The following GPBP1L1 variants were observed in gnomAD, a reference collection of about 807,000 sequenced individuals.
GPBP1L1 encodes vasculin-like protein 1.
GPBP1L1 carries 23 observed loss-of-function variants against 52.5 expected under a neutral mutation model. That is an observed-to-expected ratio of 0.44 (90% CI 0.32 to 0.62). GPBP1L1 has a LOEUF of 0.62. GPBP1L1 is among the 20% of genes least tolerant of loss of function. The pLI is 0.06. For missense variants in GPBP1L1, 596 were observed against 579.3 expected (o/e 1.03, Z -0.30); for synonymous variants, 243 against 203.1 (o/e 1.20, Z -1.67).
rs1486287492 is a variant in GPBP1L1 at position 45,640,421 on chromosome 1, GGA to G, written c.551-20_551-19del. 6.2e-7 allele frequency: 1 copy of G among 1,600,038 alleles called. No individual in the cohort carries two copies. The highest frequency in any genetic ancestry group is 1.7e-5 in the Admixed American group (1 of 59,954). ...CGGGTTTTCTGTGAAGTACAAGAGTGGAGAGACAACAGAATGTCAAACCTGTT... is the reference window on the plus strand; with the variant it reads ...CGGGTTTTCTGTGAAGTACAAGAGTGGAGACAACAGAATGTCAAACCTGTT... On this transcript the variant is annotated intron_variant, in intron 7 of 12. Coordinates refer to ENST00000355105, the MANE Select transcript of GPBP1L1 (RefSeq NM_021639.5).
At chr1:45,683,693 T>C (rs903035121) in intron 2 of GPBP1L1, among the ~76,000 whole-genome samples, 3 of 145,826 alleles carry the variant, frequency 2.1e-5, no homozygotes, top group Non-Finnish European at 4.5e-5. Flanking sequence ...CTTGAGTCCC[T>C]GAGTTCGAGA....
intron 6 of GPBP1L1, among the ~76,000 whole-genome samples, chr1:45,648,173 C>T (rs548356233): frequency 7.9e-5 from 12 of 152,266 alleles, no homozygotes; most frequent in African/African-American, 2.6e-4. Flanking sequence ...CTCCTGGACT[C>T]AAGCAATCGC....
At chr1:45,675,284 A>G (rs1393957237) in intron 2 of GPBP1L1, among the ~76,000 whole-genome samples, 1 of 152,078 alleles carries the variant, frequency 6.6e-6, no homozygotes, top group East Asian at 1.9e-4. Flanking sequence ...CAACAGAGCG[A>G]GACTCTGTCT....
chr1:45,644,298 T>C (rs778935681), intron 6 of GPBP1L1, among the ~76,000 whole-genome samples: 1 of 152,220 alleles, frequency 6.6e-6, no homozygotes, highest in Non-Finnish European at 1.5e-5. Flanking sequence ...ATAGGCATGT[T>C]GTACCCAGGG....
intron 6 of GPBP1L1, among the ~76,000 whole-genome samples, chr1:45,653,839 T>C (rs1468851880): frequency 2.6e-5 from 4 of 151,750 alleles, no homozygotes; most frequent in East Asian, 3.9e-4. Flanking sequence ...GCTGGAATTA[T>C]AGGCACTTGC....
intron 8 of GPBP1L1, chr1:45,635,639 T>C (rs999152863): frequency 6.6e-6 from 1 of 152,230 alleles, no homozygotes; most frequent in African/African-American, 2.4e-5. Context: ...CTGTTTTTAT[T>C]AGATGATTAT....
At chr1:45,632,541 C>G (rs1237894719) in intron 10 of GPBP1L1, among the ~76,000 whole-genome samples, 1 of 152,140 alleles carries the variant, frequency 6.6e-6, no homozygotes, top group Non-Finnish European at 1.5e-5. Context: ...CATGACGAAA[C>G]TCCATCTCTA....
chr1:45,676,243 G>T (rs1360784458), intron 2 of GPBP1L1, among the ~76,000 whole-genome samples: 1 of 152,126 alleles, frequency 6.6e-6, no homozygotes, highest in Admixed American at 6.6e-5. Flanking sequence ...GTCTTTCAAT[G>T]AACCAAAAGG....
intron 6 of GPBP1L1, among the ~76,000 whole-genome samples, chr1:45,647,851 G>A (rs1269255357): frequency 1.3e-5 from 2 of 152,196 alleles, no homozygotes; most frequent in African/African-American, 4.8e-5. Context: ...GGTGGTGGTA[G>A]GGAAATGGGG....
intron 4 of GPBP1L1, among the ~76,000 whole-genome samples, chr1:45,657,611 T>C (rs745469125): frequency 1.3e-5 from 2 of 152,110 alleles, no homozygotes; most frequent in Non-Finnish European, 2.9e-5. Flanking sequence ...CTCAGCACTT[T>C]TGGAGGCTGA....
At chr1:45,669,229 A>T (rs1454105964) in intron 2 of GPBP1L1, among the ~76,000 whole-genome samples, 1 of 152,176 alleles carries the variant, frequency 6.6e-6, no homozygotes, top group Non-Finnish European at 1.5e-5. Flanking sequence ...ACATTGGCAC[A>T]ATCATAGTTC....
Position 45,652,358 on chromosome 1 carries a change from T to C in GPBP1L1, c.477+2185A>G, listed in dbSNP as rs571204326. 1.5e-4 allele frequency among the ~76,000 whole-genome samples: 23 copies of C among 152,352 alleles called. 2 individuals are homozygous for C. The South Asian group carries it at 4.8e-3, about 32-fold the overall frequency. On this transcript the variant is annotated intron_variant, in intron 6 of 12. Coordinates refer to ENST00000355105, the MANE Select transcript of GPBP1L1 (RefSeq NM_021639.5). ...TGCACAAATTGATAAAATAGAATGT[T>C]TGTATCATTCCCACTGGGAATGTCA...
At chr1:45,681,574 A>G (rs1039181874) in intron 2 of GPBP1L1, among the ~76,000 whole-genome samples, 1 of 152,238 alleles carries the variant, frequency 6.6e-6, no homozygotes. Context: ...TCATCTGTGC[A>G]GATTTCACTG....
intron 7 of GPBP1L1, 113 bp from the exon 8 acceptor site, chr1:45,640,516 G>C (rs886096756): frequency 2.5e-6 from 2 of 812,090 alleles, no homozygotes; most frequent in Non-Finnish European, 4.1e-6. Flanking sequence ...GAGACAGAGG[G>C]ATTAAACATT....
intron 4 of GPBP1L1, among the ~76,000 whole-genome samples, chr1:45,656,988 T>C (rs1644893089): frequency 6.6e-6 from 1 of 152,162 alleles, no homozygotes; most frequent in African/African-American, 2.4e-5. Context: ...GCCCAGCCTC[T>C]ACAGGCCTAT....
chr1:45,651,378 T>C, intron 6 of GPBP1L1: 1 of 379,404 alleles, frequency 2.6e-6, no homozygotes, highest in South Asian at 2.2e-5. Flanking sequence ...AGCTGAGTCT[T>C]CGTGTTCTCC....
intron 7 of GPBP1L1, among the ~76,000 whole-genome samples, chr1:45,641,257 T>C (rs1486823168): frequency 1.3e-5 from 2 of 152,106 alleles, no homozygotes; most frequent in African/African-American, 2.4e-5. Context: ...TTCTTGGCTA[T>C]CAACATGTCT....
intron 2 of GPBP1L1, among the ~76,000 whole-genome samples, chr1:45,667,452 A>T (rs1181559672): frequency 1.3e-5 from 2 of 152,086 alleles, no homozygotes; most frequent in African/African-American, 4.8e-5. Context: ...AACATGACCT[A>T]ATTTTATATT....
At chr1:45,653,500 C>A (rs928778275) in intron 6 of GPBP1L1, among the ~76,000 whole-genome samples, 2 of 152,016 alleles carry the variant, frequency 1.3e-5, no homozygotes, top group African/African-American at 4.8e-5. Context: ...GGACCGCAGA[C>A]ATGTGCCATC....
Sources: gnomAD v4.1 joint callset for allele counts (sites outside exome capture counted in the v4.1 genomes callset) on GRCh38, gnomAD v4.1.1 for gene constraint, MANE v1.5 for transcripts, NCBI Gene and HGNC (gene_info 2026-07-23, HGNC 2026-07-21) for gene names.